Variants in UGCG observed in about 807,000 individuals in gnomAD.
UGCG encodes ceramide glucosyltransferase.
A neutral mutation model predicts 49.5 loss-of-function variants in UGCG; 10 were observed. The observed-to-expected ratio is 0.20, with a 90% CI of 0.12 to 0.34. The LOEUF is 0.34. Ranked by LOEUF, UGCG falls within the 10% of genes least tolerant of loss-of-function variation. The probability of loss-of-function intolerance (pLI) is 1.00; values close to 1 mark genes in which losing one functional copy is unlikely to be tolerated. For synonymous variants in UGCG, 182 were observed against 158.2 expected (o/e 1.15, Z -1.13); for missense variants, 312 against 483.7 (o/e 0.65, Z 3.33).
intron 2 of UGCG, among the ~76,000 whole-genome samples, chr9:111,921,802 A>ATTTTTTT (rs71373800): frequency 0.019 from 1,032 of 55,516 alleles, 232 homozygotes; most frequent in African/African-American, 0.054. Flanking sequence ...CCCCAGGGTG[A>ATTTTTTT]TTTTTTTTTT....
Position 111,896,946 on chromosome 9 carries a change from A to G in UGCG, c.-270A>G, listed in dbSNP as rs7871397. 67,744 of 192,592 alleles carry G rather than the reference A, an allele frequency of 0.35. 12,445 individuals are homozygous for G. Among genetic ancestry groups the G allele is most frequent in the East Asian group, 0.42 (3,157 of 7,540 alleles). 11.9% of individuals were successfully genotyped at this position (192,592 alleles called of 1,614,324 possible). On this transcript the variant is annotated 5_prime_UTR_variant, in exon 1 of 9. Coordinates refer to ENST00000374279, the MANE Select transcript of UGCG (RefSeq NM_003358.3). ...CGGGAGAGGCGAACCGGAGCGCGGG[A>G]CCGCGGTCGCCCCGACCAGAGCCGG...
intron 1 of UGCG, among the ~76,000 whole-genome samples, chr9:111,908,202 C>T (rs1441356730): frequency 6.6e-6 from 1 of 152,108 alleles, no homozygotes; most frequent in Non-Finnish European, 1.5e-5. Context: ...AAACATCCAT[C>T]AACAGAAAGT....
At chr9:111,915,540 G>A (rs567099953) in intron 2 of UGCG, among the ~76,000 whole-genome samples, 1 of 152,154 alleles carries the variant, frequency 6.6e-6, no homozygotes, top group South Asian at 2.1e-4. Context: ...CTACCCACTT[G>A]ACTTTCAGTA....
chr9:111,926,357 C>T (rs1207798395), intron 4 of UGCG, 27 bp from the exon 5 acceptor site: 23 of 1,540,198 alleles, frequency 1.5e-5, no homozygotes, highest in Non-Finnish European at 1.9e-5. Context: ...CTTTTCTCCC[C>T]CTCTCTGCCT....
rs531865653 is a variant in UGCG at position 111,915,114 on chromosome 9, A to G, written c.240+368A>G. 21 of 169,580 alleles carry G rather than the reference A, an allele frequency of 1.2e-4. 2 individuals are homozygous for G. Among genetic ancestry groups the G allele is most frequent in the Middle Eastern group, 3.0e-3 (1 of 332 alleles). The allele number at this position is 169,580 out of a possible 1,614,324, so 10.5% of individuals were successfully genotyped here. On this transcript the variant is annotated intron_variant, in intron 2 of 8. Coordinates refer to ENST00000374279, the MANE Select transcript of UGCG (RefSeq NM_003358.3). Reference sequence around the variant, plus strand: ...GAGAAAGCAGTGTTAGTGGTCTGAAATGGGTTGCAGTACAGCCAGAACTAA... The same window carrying G: ...GAGAAAGCAGTGTTAGTGGTCTGAAGTGGGTTGCAGTACAGCCAGAACTAA...
intron 8 of UGCG, among the ~76,000 whole-genome samples, chr9:111,932,561 C>T (rs1162420643): frequency 6.6e-6 from 1 of 152,106 alleles, no homozygotes; most frequent in Non-Finnish European, 1.5e-5. Flanking sequence ...GTTATATAAT[C>T]GCTTTTATTA....
rs1259334991 is a variant in UGCG, at chr9:111,896,976, C to T, written c.-240C>T. On this transcript the variant is annotated 5_prime_UTR_variant, in exon 1 of 9. Coordinates refer to ENST00000374279, the MANE Select transcript of UGCG (RefSeq NM_003358.3). ...GGTCGCCCCGACCAGAGCCGGGAGA[C>T]CGCAGCACCCGCAGCCGCCCGCGAG... is the stretch of plus-strand genomic sequence containing the variant. The T allele has an allele frequency of 1.7e-5, 4 of 232,406 alleles. No homozygotes were observed. The highest frequency in any genetic ancestry group is 9.5e-5 in the African/African-American group (4 of 42,250). The allele number at this position is 232,406 out of a possible 1,614,324, so 14.4% of individuals were successfully genotyped here.
chr9:111,897,212 G>T lies in UGCG; in HGVS notation c.-4G>T. 1 of 1,545,154 alleles carries T rather than the reference G, an allele frequency of 6.5e-7. No individual in the cohort carries two copies. The highest frequency in any genetic ancestry group is 1.2e-5 in the South Asian group (1 of 83,930). Reference sequence around the variant, plus strand: ...CGGGCCGGGCCGGTCCGGCGGGCCGGGGGATGGCGCTGCTGGACCTGGCCT... The same window carrying T: ...CGGGCCGGGCCGGTCCGGCGGGCCGTGGGATGGCGCTGCTGGACCTGGCCT... On this transcript the variant is annotated 5_prime_UTR_variant, in exon 1 of 9. Transcript: ENST00000374279.
At chr9:111,905,383 T>G (rs1183959286) in intron 1 of UGCG, among the ~76,000 whole-genome samples, 3 of 152,146 alleles carry the variant, frequency 2.0e-5, no homozygotes, top group African/African-American at 7.2e-5. Context: ...AGATAAACCC[T>G]TCTGTCACTT....
chr9:111,897,463 C>T (rs1837684758), intron 1 of UGCG, 150 bp downstream of exon 1: 1 of 648,550 alleles, frequency 1.5e-6, no homozygotes, highest in Non-Finnish European at 2.6e-6. Context: ...TTCCCTCGCC[C>T]CTCGGACCGG....
intron 6 of UGCG, among the ~76,000 whole-genome samples, chr9:111,930,468 TG>T (rs1238003549): frequency 7.3e-5 from 10 of 136,146 alleles, no homozygotes; most frequent in East Asian, 7.3e-4. Context: ...TGTTTTGTTT[TG>T]GTTTTTTTTT....
intron 1 of UGCG, among the ~76,000 whole-genome samples, chr9:111,901,283 G>A (rs573393020): frequency 6.6e-6 from 1 of 152,204 alleles, no homozygotes; most frequent in South Asian, 2.1e-4. Flanking sequence ...TAGTTAGTAC[G>A]ATCTTTGCCT....
intron 6 of UGCG, among the ~76,000 whole-genome samples, chr9:111,930,960 C>G (rs1303080534): frequency 6.6e-6 from 1 of 152,154 alleles, no homozygotes; most frequent in Non-Finnish European, 1.5e-5. Context: ...TAGTAGTCAT[C>G]AGAGACTAAT....
chr9:111,922,922 A>G lies in UGCG; in HGVS notation c.314A>G (p.Tyr105Cys). Residue 105 changes from tyrosine to cysteine, a missense_variant, in exon 3 of 9, where the codon TAT (tyrosine) becomes TGT (cysteine). Physicochemically the swap from Tyr to Cys is radical, Grantham distance 194 (BLOSUM62 -2). Coordinates refer to ENST00000374279, the MANE Select transcript of UGCG (RefSeq NM_003358.3). ...GTATGTAAGAAGCTTCTTGGAAAAT[A>G]TCCAAATGTTGATGCTAGATTGTTT... ...IDVCKKLLGK[Y>C]PNVDARLFIG... 6.2e-7 allele frequency: 1 copy of G among 1,613,000 alleles called. No homozygotes were observed.
chr9:111,905,536 A>G (rs898873331), intron 1 of UGCG, among the ~76,000 whole-genome samples: 24 of 151,764 alleles, frequency 1.6e-4, no homozygotes, highest in African/African-American at 5.8e-4. Context: ...GCTCACTGCA[A>G]CCTCTGCTTC....
At chr9:111,925,869 C>T (rs1156566621) in intron 4 of UGCG, among the ~76,000 whole-genome samples, 1 of 152,180 alleles carries the variant, frequency 6.6e-6, no homozygotes, top group Non-Finnish European at 1.5e-5. Context: ...GTTCATTCTT[C>T]ATATTTGCTA....
rs181800520 is a variant in UGCG at position 111,921,429 on chromosome 9, A to T, written c.241-1420A>T. Among the ~76,000 whole-genome samples the T allele has an allele frequency of 1.4e-4, 22 of 152,176 alleles. No homozygotes were observed. In the East Asian group the frequency reaches 4.1e-3, roughly 28 times the overall value. ...CACTTTGGGAGGCAGAGGCAAGCAG[A>T]TCCCAAGGTCACGAGTTTGAGACCA... On this transcript the variant is annotated intron_variant, in intron 2 of 8. Transcript: ENST00000374279.
chr9:111,933,384 G>A lies in UGCG; in HGVS notation c.*387G>A, dbSNP rs899021042. 6.6e-6 allele frequency: 1 copy of A among 152,332 alleles called. No individual in the cohort carries two copies. The highest frequency in any genetic ancestry group is 2.4e-5 in the African/African-American group (1 of 41,530). The allele number at this position is 152,332 out of a possible 1,614,324, so 9.4% of individuals were successfully genotyped here. On this transcript the variant is annotated 3_prime_UTR_variant, in exon 9 of 9. Transcript: ENST00000374279. ...AGTACACTCTTTTAGAACATTTACG[G>A]GTGGCAGCAGCTTTGCTTTAGAGTT...
intron 1 of UGCG, among the ~76,000 whole-genome samples, chr9:111,902,805 T>C (rs1465728613): frequency 6.7e-6 from 1 of 150,120 alleles, no homozygotes; most frequent in African/African-American, 2.5e-5. Context: ...TGAGACAGAG[T>C]CTCATTCTGT....
Sources: allele counts gnomAD v4.1 joint callset (sites outside exome capture counted in the v4.1 genomes callset), GRCh38; gene constraint gnomAD v4.1.1; transcripts MANE v1.5; gene names NCBI Gene and HGNC (gene_info 2026-07-23, HGNC 2026-07-21).